The following PDE4D variants were observed in gnomAD, a reference collection of about 807,000 sequenced individuals.
The protein encoded by PDE4D is phosphodiesterase 4D, also known as 3',5'-cyclic-AMP phosphodiesterase 4D.
In PDE4D, 24 loss-of-function variants were observed where a neutral mutation model predicts 87.4. The observed-to-expected ratio is 0.27, with a 90% confidence interval of 0.20 to 0.39. The LOEUF (loss-of-function observed/expected upper bound fraction) is 0.39. PDE4D is among the 10% of genes least tolerant of loss of function. The pLI is 1.00. For synonymous variants in PDE4D, 384 were observed against 383.2 expected, an observed-to-expected ratio of 1.00 and a Z score of -0.02; for missense variants, 714 against 1,041.0, an observed-to-expected ratio of 0.69 and a Z score of 4.32.
At chr5:60,039,881 G>A (rs1458500693) in intron 2 of PDE4D, among the ~76,000 whole-genome samples, 1 of 152,280 alleles carries the variant, frequency 6.6e-6, no homozygotes, top group East Asian at 1.9e-4. Context: ...AACAGAGCCA[G>A]TTACAGCACA....
At chr5:60,045,026 G>A (rs546358744) in intron 2 of PDE4D, among the ~76,000 whole-genome samples, 1 of 152,276 alleles carries the variant, frequency 6.6e-6, no homozygotes, top group East Asian at 1.9e-4. Context: ...TCCAGCACCT[G>A]TTGTTTCCTG....
intron 2 of PDE4D, among the ~76,000 whole-genome samples, chr5:59,995,365 C>T (rs1763434044): frequency 6.7e-6 from 1 of 148,818 alleles, no homozygotes; most frequent in Admixed American, 6.8e-5. Context: ...GTTGCCCAGG[C>T]TGGATTGCAA....
intron 5 of PDE4D, among the ~76,000 whole-genome samples, chr5:59,079,458 C>T (rs1188524894): frequency 6.6e-6 from 1 of 152,064 alleles, no homozygotes; most frequent in East Asian, 1.9e-4. Flanking sequence ...GAAAACATAA[C>T]TGAGTCTTTT....
intron 1 of PDE4D, among the ~76,000 whole-genome samples, chr5:59,789,824 A>T (rs191991880): frequency 6.6e-6 from 1 of 152,164 alleles, no homozygotes; most frequent in Non-Finnish European, 1.5e-5. Flanking sequence ...TCAGGTCCTG[A>T]TTCGATTTCA....
chr5:59,438,877 A>C (rs1797172798), intron 1 of PDE4D, among the ~76,000 whole-genome samples: 1 of 152,266 alleles, frequency 6.6e-6, no homozygotes, highest in African/African-American at 2.4e-5. Context: ...AGTGATCCAC[A>C]TGGAGATAAA....
At chr5:59,378,440 G>T (rs950292923) in intron 1 of PDE4D, among the ~76,000 whole-genome samples, 2 of 151,994 alleles carry the variant, frequency 1.3e-5, no homozygotes, top group Non-Finnish European at 2.9e-5. Context: ...TTAAAAAAAA[G>T]AATTCAGAAG....
intron 1 of PDE4D, among the ~76,000 whole-genome samples, chr5:59,783,721 T>C (rs1285149824): frequency 6.6e-6 from 1 of 152,256 alleles, no homozygotes; most frequent in Non-Finnish European, 1.5e-5. Context: ...GTTATTTATC[T>C]GTGTTTAATT....
At chr5:59,863,777 T>G (rs1412987527) in intron 1 of PDE4D, among the ~76,000 whole-genome samples, 8 of 152,206 alleles carry the variant, frequency 5.3e-5, no homozygotes, top group Admixed American at 3.9e-4. Flanking sequence ...GTTTAGGATT[T>G]TTTTTAACAT....
chr5:59,155,736 G>C (rs1198720137), intron 5 of PDE4D, among the ~76,000 whole-genome samples: 1 of 152,146 alleles, frequency 6.6e-6, no homozygotes, highest in Non-Finnish European at 1.5e-5. Flanking sequence ...GCTGGGAGGA[G>C]AGAGGATCAA....
At chr5:59,858,470 G>C (rs901460555) in intron 1 of PDE4D, among the ~76,000 whole-genome samples, 1 of 152,018 alleles carries the variant, frequency 6.6e-6, no homozygotes, top group Non-Finnish European at 1.5e-5. Flanking sequence ...GTCAGTAACT[G>C]TCATGACAGA....
chr5:60,482,859 C>T (rs920779029), intron 1 of PDE4D, among the ~76,000 whole-genome samples: 2 of 152,104 alleles, frequency 1.3e-5, no homozygotes, highest in African/African-American at 4.8e-5. Context: ...ATTACCATAT[C>T]TTCCATTAAA....
At chr5:60,049,298 A>G (rs895856416) in intron 2 of PDE4D, among the ~76,000 whole-genome samples, 4 of 151,842 alleles carry the variant, frequency 2.6e-5, no homozygotes, top group Admixed American at 6.6e-5. Flanking sequence ...CAACTTCTTT[A>G]CCTTTGGTTT....
intron 1 of PDE4D, among the ~76,000 whole-genome samples, chr5:60,255,286 G>T (rs1248372651): frequency 6.6e-6 from 1 of 151,762 alleles, no homozygotes; most frequent in Non-Finnish European, 1.5e-5. Context: ...CTTTGTTCTT[G>T]GGCTATAATT....
intron 1 of PDE4D, among the ~76,000 whole-genome samples, chr5:59,421,627 T>C (rs1379297): frequency 0.16 from 23,863 of 151,966 alleles, 2,317 homozygotes; most frequent in Admixed American, 0.22. Flanking sequence ...GACCAGATGG[T>C]AAGAGTAAGA....
intron 2 of PDE4D, among the ~76,000 whole-genome samples, chr5:60,044,735 G>A (rs2152871835): frequency 6.6e-6 from 1 of 152,288 alleles, no homozygotes; most frequent in Admixed American, 6.5e-5. Flanking sequence ...TGGTGTATAT[G>A]TGCCACATTT....
intron 2 of PDE4D, among the ~76,000 whole-genome samples, chr5:60,165,648 ATCTT>A (rs892997271): frequency 5.3e-5 from 8 of 151,062 alleles, no homozygotes; most frequent in South Asian, 2.1e-4. Flanking sequence ...AACATGAAAT[ATCTT>A]TCTATTTATT....
chr5:59,022,914 G>A (rs539785958), intron 6 of PDE4D, among the ~76,000 whole-genome samples: 9 of 152,290 alleles, frequency 5.9e-5, no homozygotes, highest in Non-Finnish European at 1.0e-4. Context: ...AGTGGCTTAC[G>A]CCTGTAATCC....
chr5:59,257,014 A>AG (rs1761102200), intron 1 of PDE4D, among the ~76,000 whole-genome samples: 1 of 152,064 alleles, frequency 6.6e-6, no homozygotes. Flanking sequence ...TTGTATAAAG[A>AG]GGGGGGATGA....
chr5:59,456,777 G>C (rs1398734142), intron 1 of PDE4D, among the ~76,000 whole-genome samples: 1 of 152,102 alleles, frequency 6.6e-6, no homozygotes, highest in Non-Finnish European at 1.5e-5. Context: ...TTTGAGAAAA[G>C]TTGATTCCAA....
Sources: allele counts gnomAD v4.1 joint callset (sites outside exome capture counted in the v4.1 genomes callset), GRCh38; gene constraint gnomAD v4.1.1; transcripts MANE v1.5; gene names NCBI Gene and HGNC (gene_info 2026-07-23, HGNC 2026-07-21).